Variants in ZNF536 observed in about 807,000 individuals in gnomAD.
The protein encoded by ZNF536 is zinc finger protein 536.
Under a neutral mutation model 84.5 loss-of-function variants are expected in ZNF536, and 13 were observed. That is an observed-to-expected ratio of 0.15 (90% CI 0.10 to 0.24). ZNF536 has a LOEUF of 0.24. Ranked by LOEUF, ZNF536 falls within the 10% of genes least tolerant of loss-of-function variation. ZNF536 has a pLI of 1.00. For synonymous variants in ZNF536, 811 were observed against 742.5 expected, an observed-to-expected ratio of 1.09 and a Z score of -1.50; for missense variants, 1,536 against 1,747.5, an observed-to-expected ratio of 0.88 and a Z score of 2.16.
chr19:30,421,951 T>A (rs2050977544), intron 1 of ZNF536, among the ~76,000 whole-genome samples: 1 of 152,212 alleles, frequency 6.6e-6, no homozygotes, highest in Non-Finnish European at 1.5e-5. Flanking sequence ...CAAATTTCCA[T>A]TTAGGGTAAT....
intron 1 of ZNF536, among the ~76,000 whole-genome samples, chr19:30,693,292 A>G (rs2147926021): frequency 6.6e-6 from 1 of 152,330 alleles, no homozygotes; most frequent in African/African-American, 2.4e-5. Flanking sequence ...GATGGCGTGT[A>G]GACTGCATTA....
At chr19:30,435,098 G>T (rs1384508326) in intron 1 of ZNF536, among the ~76,000 whole-genome samples, 1 of 149,202 alleles carries the variant, frequency 6.7e-6, no homozygotes, top group Non-Finnish European at 1.5e-5. Context: ...TGATCATGAT[G>T]GTGTGATGAT....
intron 2 of ZNF536, among the ~76,000 whole-genome samples, chr19:30,494,775 A>G (rs1169057070): frequency 1.3e-5 from 2 of 151,914 alleles, no homozygotes; most frequent in Non-Finnish European, 2.9e-5. Flanking sequence ...GTGAAAACCC[A>G]TCTCTACTAA....
At chr19:30,289,415 T>A (rs1203204746) in intron 2 of ZNF536, among the ~76,000 whole-genome samples, 1 of 152,224 alleles carries the variant, frequency 6.6e-6, no homozygotes, top group African/African-American at 2.4e-5. Flanking sequence ...AACTTTTCTG[T>A]CCCTGACAAG....
chr19:30,461,313 T>C (rs1046463555), intron 2 of ZNF536, among the ~76,000 whole-genome samples: 1 of 152,066 alleles, frequency 6.6e-6, no homozygotes, highest in Non-Finnish European at 1.5e-5. Context: ...TGCTGGGAGT[T>C]GTGTAAATGC....
chr19:30,661,502 G>T (rs1320191261), intron 1 of ZNF536, among the ~76,000 whole-genome samples: 1 of 152,078 alleles, frequency 6.6e-6, no homozygotes, highest in African/African-American at 2.4e-5. Context: ...AGCTTTTGGG[G>T]GGGCCAAATA....
chr19:30,389,448 T>C (rs2049488102), intron 1 of ZNF536, among the ~76,000 whole-genome samples: 1 of 152,212 alleles, frequency 6.6e-6, no homozygotes, highest in Non-Finnish European at 1.5e-5. Context: ...TCAAGATACA[T>C]GCTCCTCACC....
At chr19:30,646,374 G>A (rs1441003396) in intron 1 of ZNF536, among the ~76,000 whole-genome samples, 1 of 152,262 alleles carries the variant, frequency 6.6e-6, no homozygotes, top group Non-Finnish European at 1.5e-5. Context: ...GTTCACGACT[G>A]TGTGTACACG....
At chr19:30,268,638 A>G (rs573210361) in intron 1 of ZNF536, among the ~76,000 whole-genome samples, 1 of 152,328 alleles carries the variant, frequency 6.6e-6, no homozygotes, top group Admixed American at 6.5e-5. Flanking sequence ...TTTCAACTTG[A>G]CTGTTTTATT....
intron 3 of ZNF536, 117 bp downstream of exon 3, chr19:30,535,116 C>A: frequency 8.2e-7 from 1 of 1,222,650 alleles, no homozygotes. Flanking sequence ...AAGGTTCTCC[C>A]TGGGCCTGTC....
chr19:30,387,886 C>A (rs951285648), intron 1 of ZNF536, among the ~76,000 whole-genome samples: 5 of 152,120 alleles, frequency 3.3e-5, no homozygotes, highest in African/African-American at 4.8e-5. Context: ...GTTCTCGAGA[C>A]GCAGGTGTCC....
In ZNF536 at chr19:30,651,417, C is replaced by G. The variant is rs76025451; in HGVS notation, c.170-59340C>G. On this transcript the variant is annotated intron_variant, in intron 1 of 1. Coordinates refer to the ZNF536 transcript ENST00000592773. ...TCCCATACTTAACTCTTTCACCGTG[C>G]AGAAAGCAAGGGGGAGGGAGGAAGG... Among the ~76,000 whole-genome samples, 598 of 152,254 alleles carry G rather than the reference C, an allele frequency of 3.9e-3. 6 individuals are homozygous for G. The highest frequency in any genetic ancestry group is 0.013 in the African/African-American group (535 of 41,530).
intron 2 of ZNF536, among the ~76,000 whole-genome samples, chr19:30,503,314 A>G (rs1326522764): frequency 6.6e-6 from 1 of 152,228 alleles, no homozygotes; most frequent in Non-Finnish European, 1.5e-5. Context: ...AGAAAAAGAC[A>G]AATCCTCCAA....
At chr19:30,640,827 C>A (rs1431852926) in intron 1 of ZNF536, among the ~76,000 whole-genome samples, 1 of 152,242 alleles carries the variant, frequency 6.6e-6, no homozygotes, top group Non-Finnish European at 1.5e-5. Context: ...TTATACCAGA[C>A]CTGGGCTAGG....
At chr19:30,495,608 C>T (rs1033355190) in intron 2 of ZNF536, among the ~76,000 whole-genome samples, 1 of 152,194 alleles carries the variant, frequency 6.6e-6, no homozygotes, top group African/African-American at 2.4e-5. Flanking sequence ...GGAGCGTAGG[C>T]CCACAGGGCA....
intron 4 of ZNF536, among the ~76,000 whole-genome samples, chr19:30,552,277 G>A (rs2045813073): frequency 6.6e-6 from 1 of 152,188 alleles, no homozygotes. Context: ...GGCTTTGTCA[G>A]ACCAAAGCAT....
In ZNF536 at chr19:30,581,888, C is replaced by T. The variant is rs184380158; in HGVS notation, c.169+32374C>T. Among the ~76,000 whole-genome samples, 119 of 152,074 alleles carry T rather than the reference C, an allele frequency of 7.8e-4. 1 individual carries two copies. Among genetic ancestry groups the T allele is most frequent in the African/African-American group, 2.5e-3 (102 of 41,480 alleles). ...GGCAGAGGTTGCAGTAAGCTGAGAT[C>T]GTGCCACTGCACTCCAGCCTGGTGA... On this transcript the variant is annotated intron_variant, in intron 1 of 1. Transcript: ENST00000592773.
intron 1 of ZNF536, among the ~76,000 whole-genome samples, chr19:30,234,297 T>A (rs763514245): frequency 1.3e-5 from 2 of 152,064 alleles, no homozygotes; most frequent in Non-Finnish European, 2.9e-5. Flanking sequence ...GGAGTATATT[T>A]CTGGCCCCCT....
chr19:30,273,826 A>C (rs2145510749), intron 1 of ZNF536, among the ~76,000 whole-genome samples: 1 of 152,356 alleles, frequency 6.6e-6, no homozygotes, highest in Middle Eastern at 3.4e-3. Flanking sequence ...TTGGAGTCAA[A>C]GATACACATG....
Sources: allele counts gnomAD v4.1 joint callset (sites outside exome capture counted in the v4.1 genomes callset), GRCh38; gene constraint gnomAD v4.1.1; transcripts MANE v1.5; gene names NCBI Gene and HGNC (gene_info 2026-07-23, HGNC 2026-07-21).